SAT1: variants seen among roughly 807,000 people sequenced by gnomAD.
SAT1 encodes the protein diamine acetyltransferase 1.
In SAT1, 1 loss-of-function variant was observed where a neutral mutation model predicts 14.7. That is an observed-to-expected ratio of 0.07 (90% CI 0.02 to 0.32). The LOEUF (loss-of-function observed/expected upper bound fraction) is 0.32. Ranked by LOEUF, SAT1 falls within the 10% of genes least tolerant of loss-of-function variation. The probability of loss-of-function intolerance (pLI) is 1.00; values close to 1 mark genes in which losing one functional copy is unlikely to be tolerated. For synonymous variants in SAT1, 67 were observed against 46.1 expected, an observed-to-expected ratio of 1.45 and a Z score of -1.84; for missense variants, 77 against 129.1, an observed-to-expected ratio of 0.60 and a Z score of 1.96.
At position 23,783,654 on chromosome X, in the gene SAT1, C is replaced by T. The variant is rs368001685; in HGVS notation, c.67-4C>T. The T allele has an allele frequency of 6.7e-5, 79 of 1,185,689 alleles. No individual in the cohort carries two copies. The highest frequency in any genetic ancestry group is 8.6e-5 in the Non-Finnish European group (76 of 880,962). On this transcript the variant is annotated splice_region_variant and splice_polypyrimidine_tract_variant and intron_variant, in intron 1 of 5. Coordinates refer to ENST00000379270, the MANE Select transcript of SAT1 (RefSeq NM_002970.4). ...TTTTTTCTCTCCTATGTGCATCCCC[C>T]CAGGAGCTGGCTAAATATGAATACA... is the stretch of plus-strand genomic sequence containing the variant.
At chrX:23,785,079 A>G (rs1922667286) in intron 3 of SAT1, 2 of 391,704 alleles carry the variant, frequency 5.1e-6, no homozygotes, top group African/African-American at 5.0e-5. Context: ...TGGCCAGTCC[A>G]CAGTTGTAGC....
Position 23,783,327 on chromosome X carries a change from A to G in SAT1, c.-25A>G. On this transcript the variant is annotated 5_prime_UTR_variant, in exon 1 of 6. Coordinates refer to ENST00000379270, the MANE Select transcript of SAT1 (RefSeq NM_002970.4). ...TTCAAGTACAGGGGCCTGGTCCGCA[A>G]AGGGAAGAAAAGCAAAAGACGAAAA... is the stretch of plus-strand genomic sequence containing the variant. 1 of 1,203,526 alleles carries G rather than the reference A, an allele frequency of 8.3e-7. No homozygotes were observed. Among genetic ancestry groups the G allele is most frequent in the Non-Finnish European group, 1.1e-6 (1 of 888,318 alleles).
intron 3 of SAT1, chrX:23,784,118 CG>C: frequency 9.3e-7 from 1 of 1,080,445 alleles, no homozygotes; most frequent in Middle Eastern, 3.6e-4. Context: ...TGTGGAGACT[CG>C]GAAGTGTTTA....
At chrX:23,785,260 G>A in intron 3 of SAT1, 68 bp from the exon 4 acceptor site, 1 of 813,079 alleles carries the variant, frequency 1.2e-6, no homozygotes, top group Admixed American at 2.2e-5. Flanking sequence ...ATAGGCCTCT[G>A]ATTCTGCAGC....
At chrX:23,783,564 C>T in intron 1 of SAT1, 94 bp from the exon 2 acceptor site, 1 of 626,008 alleles carries the variant, frequency 1.6e-6, no homozygotes, top group Non-Finnish European at 2.5e-6. Context: ...CGGCCGCCAC[C>T]CCGCCCGCCC....
In SAT1 at chrX:23,783,289, C is replaced by T; in HGVS notation, c.-63C>T. 9.4e-7 allele frequency: 1 copy of T among 1,067,214 alleles called. No individual in the cohort carries two copies. Among genetic ancestry groups the T allele is most frequent in the Non-Finnish European group, 1.3e-6 (1 of 766,037 alleles). The allele number at this position is 1,067,214 out of a possible 1,213,427, so 88.0% of individuals were successfully genotyped here. On this transcript the variant is annotated 5_prime_UTR_variant, in exon 1 of 6. Transcript: ENST00000379270. ...CTCCCGGGAGACGAATGAGGAACCACCTCCTCCTACTGTTCAAGTACAGGG... is the reference window on the plus strand; with the variant it reads ...CTCCCGGGAGACGAATGAGGAACCATCTCCTCCTACTGTTCAAGTACAGGG...
At chrX:23,784,324 G>A in intron 3 of SAT1, 1 of 849,486 alleles carries the variant, frequency 1.2e-6, no homozygotes, top group African/African-American at 2.1e-5. Context: ...CATGTACATG[G>A]CCCTTCCGTG....
intron 1 of SAT1, 111 bp from the exon 2 acceptor site, chrX:23,783,547 C>T (rs1922582496): frequency 1.1e-6 from 1 of 942,258 alleles, no homozygotes; most frequent in South Asian, 2.4e-5. Flanking sequence ...TGCGCCCATC[C>T]CCGGCTCGGC....
chrX:23,784,251 G>A, intron 3 of SAT1: 1 of 868,949 alleles, frequency 1.2e-6, no homozygotes, highest in Non-Finnish European at 1.5e-6. Flanking sequence ...TTTTGTAATT[G>A]TGTTAAATCA....
rs761372150 is a variant in SAT1, at chrX:23,783,379, A to G, written c.28A>G (p.Thr10Ala). ...GGCTAAATTCGTGATCCGCCCAGCC[A>G]CTGCCGCCGACTGCAGTGACATACT... is the stretch of plus-strand genomic sequence containing the variant. Reference protein sequence around the residue: MAKFVIRPATAADCSDILRL... With the variant: MAKFVIRPAAAADCSDILRL... The change falls in exon 1 of 6, where the codon ACT (threonine) becomes GCT (alanine). Residue 10 changes from threonine (T) to alanine (A), a missense_variant. Thr to Ala is a moderately conservative substitution (Grantham distance 58). Coordinates refer to ENST00000379270, the MANE Select transcript of SAT1 (RefSeq NM_002970.4). 3 of 1,211,106 alleles carry G rather than the reference A, an allele frequency of 2.5e-6. No homozygotes were observed. The highest frequency in any genetic ancestry group is 5.9e-5 in the East Asian group (2 of 33,828).
rs1480802856 is a variant in SAT1 at position 23,783,796 on chromosome X, G to C, written c.119-4G>C. The C allele has an allele frequency of 8.3e-7, 1 of 1,210,046 alleles. No homozygotes were observed. The highest frequency in any genetic ancestry group is 1.1e-6 in the Non-Finnish European group (1 of 895,209). The stretch of plus-strand genomic sequence containing the variant: ...ATTACCGCCCCTGCTCCCCCTTCTT[G>C]CAGATCTGCTAGAAGATGGTTTTGG... On this transcript the variant is annotated splice_region_variant and splice_polypyrimidine_tract_variant and intron_variant, in intron 2 of 5. Coordinates refer to ENST00000379270, the MANE Select transcript of SAT1 (RefSeq NM_002970.4).
At chrX:23,784,164 C>G in intron 3 of SAT1, 1 of 949,720 alleles carries the variant, frequency 1.1e-6, no homozygotes, top group Non-Finnish European at 1.3e-6. Flanking sequence ...TGTGGAGACC[C>G]GGAAGAGTTA....
rs1202942452 is a variant in SAT1 at position 23,785,057 on chromosome X, CA to C, written c.203-270del. The stretch of plus-strand genomic sequence containing the variant: ...CTCGCTTCCTGAGTGTGAGCTCCAG[CA>C]GACTGCAGAGTGGCCAGTCCACAGT... On this transcript the variant is annotated intron_variant, in intron 3 of 5. Transcript: ENST00000379270. The C allele has an allele frequency of 1.7e-5, 6 of 357,389 alleles. No homozygotes were observed. In the Admixed American group the frequency reaches 3.1e-4, roughly 18 times the overall value. The allele number at this position is 357,389 out of a possible 1,213,427, so 29.5% of individuals were successfully genotyped here.
Position 23,785,799 on chromosome X carries a change from T to C in SAT1, c.459T>C (p.Gly153=). 3 of 1,208,636 alleles carry C rather than the reference T, an allele frequency of 2.5e-6. No homozygotes were observed. The highest frequency in any genetic ancestry group is 1.1e-6 in the Non-Finnish European group (1 of 894,116). ...CTTCTGATCTGTCCAGTGAAGAGGGTTGGAGACTGTTCAAGATCGACAAGG... is the reference window on the plus strand; with the variant it reads ...CTTCTGATCTGTCCAGTGAAGAGGGCTGGAGACTGTTCAAGATCGACAAGG... ...RGASDLSSEE[G]WRLFKIDKEY... Residue 153 remains glycine (G), a synonymous_variant, in exon 6 of 6, where the codon GGT becomes GGC. Transcript: ENST00000379270.
chrX:23,783,691 G>A lies in SAT1; in HGVS notation c.100G>A (p.Val34Ile). 8.3e-7 allele frequency: 1 copy of A among 1,207,104 alleles called. No homozygotes were observed. The highest frequency in any genetic ancestry group is 1.1e-6 in the Non-Finnish European group (1 of 892,873). ...LAKYEYMEEQVILTEKDLLED... is the reference protein window; with the variant it reads ...LAKYEYMEEQIILTEKDLLED... ...TAAATATGAATACATGGAAGAACAAGTAATCTTAACTGAAAAAGGTAATTC... is the reference window on the plus strand; with the variant it reads ...TAAATATGAATACATGGAAGAACAAATAATCTTAACTGAAAAAGGTAATTC... Residue 34 changes from valine (V) to isoleucine (I), a missense_variant, in exon 2 of 6, where the codon GTA becomes ATA. Transcript: ENST00000379270.
chrX:23,783,230 G>T lies in SAT1; in HGVS notation c.-122G>T, dbSNP rs17551556. 949 of 623,405 alleles carry T rather than the reference G, an allele frequency of 1.5e-3. 17 individuals carry two copies. In the East Asian group the frequency reaches 0.032, roughly 21 times the overall value. The allele number at this position is 623,405 out of a possible 1,213,427, so 51.4% of individuals were successfully genotyped here. The stretch of plus-strand genomic sequence containing the variant: ...TATCCGTCACTCGCCGAGGTTCCTT[G>T]GGTCATGGTGCCAGCCTGACTGAGA... On this transcript the variant is annotated 5_prime_UTR_variant, in exon 1 of 6. Transcript: ENST00000379270.
intron 3 of SAT1, chrX:23,784,143 A>G: frequency 9.7e-7 from 1 of 1,033,884 alleles, no homozygotes; most frequent in Non-Finnish European, 1.3e-6. Context: ...TGCTTAAGTA[A>G]GTATAAGTGC....
chrX:23,783,217 G>T lies in SAT1; in HGVS notation c.-135G>T. The T allele has an allele frequency of 1.8e-6, 1 of 555,584 alleles. No individual in the cohort carries two copies. The highest frequency in any genetic ancestry group is 2.9e-5 in the Admixed American group (1 of 35,009). The allele number at this position is 555,584 out of a possible 1,213,427, so 45.8% of individuals were successfully genotyped here. A position where few individuals can be genotyped will look rare whatever the true frequency, so the allele number is the denominator to read the frequency against. On this transcript the variant is annotated 5_prime_UTR_variant, in exon 1 of 6. Coordinates refer to ENST00000379270, the MANE Select transcript of SAT1 (RefSeq NM_002970.4). ...GCCGACTGGTGTTTATCCGTCACTC[G>T]CCGAGGTTCCTTGGGTCATGGTGCC...
At position 23,785,701 on chromosome X, in the gene SAT1, C is replaced by T. The variant is rs11404; in HGVS notation, c.361C>T (p.Arg121Cys). ...KNLSQVAMRC[R>C]CSSMHFLVAE... The stretch of plus-strand genomic sequence containing the variant: ...CTCATAATAGGTTGCAATGAGGTGT[C>T]GCTGCAGCAGCATGCACTTCTTGGT... The change falls in exon 6 of 6, where the codon CGC becomes TGC. Residue 121 changes from arginine to cysteine, a missense_variant. Physicochemically the swap from Arg to Cys is radical, Grantham distance 180. Transcript: ENST00000379270. The T allele has an allele frequency of 6.6e-6, 8 of 1,205,922 alleles. No homozygotes were observed. Among genetic ancestry groups the T allele is most frequent in the Middle Eastern group, 2.3e-4 (1 of 4,349 alleles).
Sources: gnomAD v4.1 joint callset for allele counts on GRCh38, gnomAD v4.1.1 for gene constraint, MANE v1.5 for transcripts, NCBI Gene and HGNC (gene_info 2026-07-23, HGNC 2026-07-21) for gene names.